Variants in UNC5C observed in about 807,000 individuals in gnomAD.
The protein encoded by UNC5C is netrin receptor UNC5C.
A neutral mutation model predicts 99.8 loss-of-function variants in UNC5C; 47 were observed. The observed-to-expected ratio is 0.47, with a 90% confidence interval of 0.37 to 0.60. UNC5C has a LOEUF of 0.60. UNC5C is among the 20% of genes least tolerant of loss of function. The probability of loss-of-function intolerance (pLI) is 0.00; values close to 1 mark genes in which losing one functional copy is unlikely to be tolerated. For synonymous variants in UNC5C, 487 were observed against 452.2 expected (o/e 1.08, Z -0.98); for missense variants, 1,062 against 1,165.9 (o/e 0.91, Z 1.30).
chr4:95,383,283 ACACACACTT>A (rs1280284775), intron 1 of UNC5C, among the ~76,000 whole-genome samples: 2 of 135,352 alleles, frequency 1.5e-5, no homozygotes, highest in East Asian at 3.9e-4. Flanking sequence ...ACACACACAC[ACACACACTT>A]ATTTATTGTT....
chr4:95,487,527 AT>A (rs1721361164), intron 1 of UNC5C, among the ~76,000 whole-genome samples: 2 of 151,668 alleles, frequency 1.3e-5, no homozygotes, highest in Admixed American at 6.6e-5. Context: ...TTTTTGCCTA[AT>A]TCATTTTATT....
chr4:95,182,892 C>T lies in UNC5C; in HGVS notation c.2451+5G>A, dbSNP rs753196425. On this transcript the variant is annotated splice_donor_5th_base_variant and intron_variant, in intron 14 of 15. Transcript: ENST00000453304. ...CCTGATTTCAGACAGACAGGAGCCA[C>T]TTACCTCTGACACGGTGCAGTTGAG... 1 of 1,608,182 alleles carries T rather than the reference C, an allele frequency of 6.2e-7. No homozygotes were observed. Among genetic ancestry groups the T allele is most frequent in the South Asian group, 1.1e-5 (1 of 90,712 alleles).
chr4:95,269,012 C>T (rs1196238779), intron 4 of UNC5C, among the ~76,000 whole-genome samples: 2 of 152,200 alleles, frequency 1.3e-5, no homozygotes, highest in African/African-American at 2.4e-5. Context: ...TAGCTAGTAG[C>T]TGGGAATCTG....
intron 1 of UNC5C, among the ~76,000 whole-genome samples, chr4:95,371,428 G>C (rs919847378): frequency 1.6e-5 from 1 of 62,456 alleles, no homozygotes; most frequent in Non-Finnish European, 2.8e-5. Context: ...TTTTGTGGGG[G>C]GGGGGGAGTA....
At chr4:95,413,155 C>T (rs1746047559) in intron 1 of UNC5C, among the ~76,000 whole-genome samples, 1 of 152,166 alleles carries the variant, frequency 6.6e-6, no homozygotes, top group African/African-American at 2.4e-5. Flanking sequence ...CACATTCCAA[C>T]CTCCTGATTT....
intron 1 of UNC5C, among the ~76,000 whole-genome samples, chr4:95,537,379 G>A (rs561281294): frequency 2.0e-5 from 3 of 152,190 alleles, no homozygotes; most frequent in East Asian, 1.9e-4. Flanking sequence ...GGGGAAGGTC[G>A]GCGTGGAGGT....
chr4:95,236,277 T>C (rs533995299), intron 7 of UNC5C, among the ~76,000 whole-genome samples: 3 of 152,258 alleles, frequency 2.0e-5, no homozygotes, highest in Non-Finnish European at 4.4e-5. Context: ...GTTCATGTCC[T>C]TTGTAGGGAC....
intron 1 of UNC5C, among the ~76,000 whole-genome samples, chr4:95,430,484 C>T (rs1356485294): frequency 1.3e-5 from 2 of 152,020 alleles, no homozygotes; most frequent in African/African-American, 4.8e-5. Context: ...AAAAGAAATG[C>T]ACTTCAAAAT....
intron 1 of UNC5C, among the ~76,000 whole-genome samples, chr4:95,438,913 T>G (rs964078863): frequency 3.3e-5 from 5 of 152,284 alleles, no homozygotes; most frequent in Non-Finnish European, 5.9e-5. Context: ...CCTTTTCCAG[T>G]TATCCATAAT....
chr4:95,441,153 G>A (rs1046156365), intron 1 of UNC5C, among the ~76,000 whole-genome samples: 4 of 152,006 alleles, frequency 2.6e-5, no homozygotes, highest in African/African-American at 7.2e-5. Flanking sequence ...TAAATTCAAC[G>A]GTGTCTTAAA....
At chr4:95,313,146 G>C (rs1393034495) in intron 2 of UNC5C, among the ~76,000 whole-genome samples, 1 of 152,104 alleles carries the variant, frequency 6.6e-6, no homozygotes, top group Admixed American at 6.6e-5. Context: ...ATAGCATGAA[G>C]CCAAAGAGCA....
chr4:95,448,394 T>C (rs989453692), intron 1 of UNC5C, among the ~76,000 whole-genome samples: 2 of 152,130 alleles, frequency 1.3e-5, no homozygotes, highest in Non-Finnish European at 2.9e-5. Flanking sequence ...GGCCTTACTT[T>C]CCTCATATGA....
intron 1 of UNC5C, among the ~76,000 whole-genome samples, chr4:95,429,378 G>A (rs1746573669): frequency 6.6e-6 from 1 of 151,048 alleles, no homozygotes; most frequent in Non-Finnish European, 1.5e-5. Context: ...ACTATATTAA[G>A]TACACTTTTT....
chr4:95,309,111 G>T (rs532977743), intron 2 of UNC5C, among the ~76,000 whole-genome samples: 2 of 152,022 alleles, frequency 1.3e-5, no homozygotes, highest in South Asian at 4.2e-4. Context: ...AAAATAGCTC[G>T]CCCAGAAATA....
chr4:95,375,153 A>G (rs1033515777), intron 1 of UNC5C, among the ~76,000 whole-genome samples: 6 of 152,172 alleles, frequency 3.9e-5, no homozygotes, highest in Non-Finnish European at 8.8e-5. Flanking sequence ...AAGGAGATGA[A>G]CAAACAAAAG....
At chr4:95,239,596 G>C (rs1739254952) in intron 7 of UNC5C, among the ~76,000 whole-genome samples, 1 of 152,176 alleles carries the variant, frequency 6.6e-6, no homozygotes, top group Admixed American at 6.5e-5. Flanking sequence ...TCTCTAGCTT[G>C]GAGTTGCAGC....
At chr4:95,446,899 C>T (rs1238227723) in intron 1 of UNC5C, among the ~76,000 whole-genome samples, 4 of 152,188 alleles carry the variant, frequency 2.6e-5, no homozygotes, top group Admixed American at 2.6e-4. Context: ...GCTATCCATG[C>T]ACAAGGTGGT....
intron 1 of UNC5C, among the ~76,000 whole-genome samples, chr4:95,421,316 A>G (rs1746311209): frequency 6.6e-6 from 1 of 152,178 alleles, no homozygotes; most frequent in Non-Finnish European, 1.5e-5. Flanking sequence ...AGCATAAGAG[A>G]GAACAGGGGA....
chr4:95,216,174 T>C lies in UNC5C; in HGVS notation c.1683A>G (p.Gln561=). The C allele has an allele frequency of 6.2e-7, 1 of 1,613,808 alleles. No individual in the cohort carries two copies. The highest frequency in any genetic ancestry group is 1.1e-5 in the South Asian group (1 of 91,078). The change falls in exon 10 of 16, where the codon CAA becomes CAG. Residue 561 remains glutamine, a synonymous_variant. Transcript: ENST00000453304. The stretch of plus-strand genomic sequence containing the variant: ...TCACATACATTTCGTAGACTCTCCC[T>C]TGGGGAATGGCCCCAGCGGGAATCA... ...SLLIPAGAIP[Q]GRVYEMYVTV... is the part of the protein sequence containing the mutation.
Sources: allele counts gnomAD v4.1 joint callset (sites outside exome capture counted in the v4.1 genomes callset), GRCh38; gene constraint gnomAD v4.1.1; transcripts MANE v1.5; gene names NCBI Gene and HGNC (gene_info 2026-07-23, HGNC 2026-07-21).